SETBP1: variants seen among roughly 807,000 people sequenced by gnomAD.
SETBP1 encodes the protein SET binding protein 1.
A neutral mutation model predicts 101.0 loss-of-function variants in SETBP1; 9 were observed. The observed-to-expected ratio is 0.09, with a 90% CI of 0.05 to 0.16. SETBP1 has a LOEUF of 0.16. Ranked by LOEUF, SETBP1 falls within the 10% of genes least tolerant of loss-of-function variation. The pLI is 1.00. For missense variants in SETBP1, 1,858 were observed against 2,033.8 expected (o/e 0.91, Z 1.66); for synonymous variants, 818 against 788.5 (o/e 1.04, Z -0.63).
At chr18:44,880,840 A>G (rs182370309) in intron 3 of SETBP1, among the ~76,000 whole-genome samples, 86 of 152,274 alleles carry the variant, frequency 5.6e-4, no homozygotes, top group Non-Finnish European at 9.1e-4. Flanking sequence ...AACACCTCCC[A>G]CAAGGCTCCA....
At chr18:44,921,767 C>T (rs147673998) in intron 3 of SETBP1, among the ~76,000 whole-genome samples, 60 of 152,128 alleles carry the variant, frequency 3.9e-4, no homozygotes, top group Admixed American at 2.8e-3. Flanking sequence ...GAATGAGTAT[C>T]GTGGGGGCCC....
chr18:44,800,493 C>G (rs538652198), intron 2 of SETBP1, among the ~76,000 whole-genome samples: 1 of 152,160 alleles, frequency 6.6e-6, no homozygotes, highest in African/African-American at 2.4e-5. Context: ...TAAACAGTTT[C>G]AAAATGGCAA....
At chr18:44,785,442 T>C (rs1482213338) in intron 2 of SETBP1, among the ~76,000 whole-genome samples, 1 of 152,240 alleles carries the variant, frequency 6.6e-6, no homozygotes, top group East Asian at 1.9e-4. Flanking sequence ...GTCACCTAGA[T>C]TACCTCTTAA....
chr18:44,930,472 A>C (rs895457599), intron 3 of SETBP1, among the ~76,000 whole-genome samples: 4 of 151,878 alleles, frequency 2.6e-5, no homozygotes, highest in Admixed American at 6.6e-5. Context: ...GGAAGGATTC[A>C]CTCTTTTTCT....
At chr18:44,733,242 T>G (rs1334831566) in intron 2 of SETBP1, 1 of 152,184 alleles carries the variant, frequency 6.6e-6, no homozygotes. Context: ...CTGTCTGACA[T>G]GGCCAAGCTG....
chr18:45,028,445 G>A (rs373619962), intron 4 of SETBP1, among the ~76,000 whole-genome samples: 21 of 151,946 alleles, frequency 1.4e-4, no homozygotes, highest in Non-Finnish European at 2.1e-4. Flanking sequence ...AGTCTTTGCT[G>A]TTGTGAATAG....
In SETBP1 at chr18:44,950,715, A is replaced by G; in HGVS notation, c.1375A>G (p.Lys459Glu). 6 of 1,614,136 alleles carry G rather than the reference A, an allele frequency of 3.7e-6. No individual in the cohort carries two copies. Among genetic ancestry groups the G allele is most frequent in the Non-Finnish European group, 5.1e-6 (6 of 1,179,984 alleles). Residue 459 changes from lysine (K) to glutamate (E), a missense_variant, in exon 4 of 6, where the codon AAG (lysine) becomes GAG (glutamate). Physicochemically the swap from Lys to Glu is moderately conservative, Grantham distance 56. This residue lies in a region of SETBP1 where 581 missense variants were observed against 535.1 expected (regional missense o/e 1.09). Coordinates refer to ENST00000649279, the MANE Select transcript of SETBP1 (RefSeq NM_015559.3). ...GATACTTTCCAACTCTGAGGGGAATAAGAAGGATCCCCGTGTCCCTAAGTT... is the reference window on the plus strand; with the variant it reads ...GATACTTTCCAACTCTGAGGGGAATGAGAAGGATCCCCGTGTCCCTAAGTT... ...NRILSNSEGNKKDPRVPKLSK... is the reference protein window; with the variant it reads ...NRILSNSEGNEKDPRVPKLSK...
At chr18:44,777,366 T>G (rs2071026482) in intron 2 of SETBP1, among the ~76,000 whole-genome samples, 1 of 152,360 alleles carries the variant, frequency 6.6e-6, no homozygotes, top group Admixed American at 6.5e-5. Flanking sequence ...AACTCAGTCT[T>G]TCTCTGAAAC....
chr18:44,820,610 A>C (rs2072091188), intron 2 of SETBP1, among the ~76,000 whole-genome samples: 1 of 152,186 alleles, frequency 6.6e-6, no homozygotes, highest in South Asian at 2.1e-4. Context: ...AAAATAGTGC[A>C]ACTCTACTAG....
At chr18:45,025,504 A>AT (rs370180014) in intron 4 of SETBP1, among the ~76,000 whole-genome samples, 107 of 150,264 alleles carry the variant, frequency 7.1e-4, no homozygotes, top group Middle Eastern at 3.4e-3. Flanking sequence ...AGTTTCTCTG[A>AT]TTTTTTTTTT....
intron 4 of SETBP1, among the ~76,000 whole-genome samples, chr18:45,035,383 G>A (rs2145482954): frequency 6.6e-6 from 1 of 152,282 alleles, no homozygotes; most frequent in South Asian, 2.1e-4. Flanking sequence ...GTTTTCAAGA[G>A]AGCTAATAGT....
chr18:44,792,488 G>T (rs1470492813), intron 2 of SETBP1, among the ~76,000 whole-genome samples: 1 of 152,186 alleles, frequency 6.6e-6, no homozygotes, highest in Non-Finnish European at 1.5e-5. Flanking sequence ...CCCAACTTTG[G>T]TTCCGGGTCT....
rs760185109 is a variant in SETBP1 at position 44,951,184 on chromosome 18, G to C, written c.1844G>C (p.Arg615Pro). The change falls in exon 4 of 6, where the codon CGA (arginine) becomes CCA (proline). Residue 615 changes from arginine (R) to proline (P), a missense_variant. Physicochemically the swap from Arg to Pro is moderately radical, Grantham distance 103. This residue lies in a region of SETBP1 where 111 missense variants were observed against 119.3 expected (regional missense o/e 0.93). Transcript: ENST00000649279. This position sits in a 1 kb window ranked among gnomAD's most constrained non-coding sequence, Gnocchi z 7.8. ...ACCAGCCCCGTCAGTCCCATCAGCC[G>C]AGAGTTTCCTGGCACTAAGAAAAGA... Reference protein sequence around the residue: ...TSTSPVSPISREFPGTKKRKR... With the variant: ...TSTSPVSPISPEFPGTKKRKR... The C allele has an allele frequency of 6.2e-7, 1 of 1,614,136 alleles. No homozygotes were observed. Among genetic ancestry groups the C allele is most frequent in the South Asian group, 1.1e-5 (1 of 91,076 alleles).
At chr18:45,021,604 A>G (rs1245922903) in intron 4 of SETBP1, among the ~76,000 whole-genome samples, 2 of 152,172 alleles carry the variant, frequency 1.3e-5, no homozygotes, top group African/African-American at 4.8e-5. Flanking sequence ...GTCCTTTAAA[A>G]CTATGTCAAA....
intron 2 of SETBP1, among the ~76,000 whole-genome samples, chr18:44,721,322 G>T (rs2069590121): frequency 6.6e-6 from 1 of 152,166 alleles, no homozygotes; most frequent in Non-Finnish European, 1.5e-5. Flanking sequence ...TTGTTTCCAG[G>T]AGTTATGCCT....
Position 44,950,856 on chromosome 18 carries a change from C to G in SETBP1, c.1516C>G (p.Pro506Ala). ...GCGGAAGCCACCCATGGTCATGACA[C>G]CTCCAACGTGCACAGATCACTCTCC... Reference protein sequence around the residue: ...KPRKPPMVMTPPTCTDHSPSR... With the variant: ...KPRKPPMVMTAPTCTDHSPSR... Residue 506 changes from proline (P) to alanine (A), a missense_variant, in exon 4 of 6, where the codon CCT becomes GCT. Pro to Ala is a conservative substitution (Grantham distance 27). Around this residue, in one of 12 missense-constraint regions of SETBP1, gnomAD observed 581 missense variants for 535.1 expected, o/e 1.09. Transcript: ENST00000649279. The G allele has an allele frequency of 6.2e-7, 1 of 1,614,122 alleles. No homozygotes were observed. The highest frequency in any genetic ancestry group is 1.6e-4 in the Middle Eastern group (1 of 6,062).
intron 4 of SETBP1, among the ~76,000 whole-genome samples, chr18:45,015,085 C>A (rs2145394787): frequency 6.6e-6 from 1 of 152,260 alleles, no homozygotes; most frequent in East Asian, 1.9e-4. Context: ...GTTCTTGGAG[C>A]TAGATCAACT....
intron 2 of SETBP1, among the ~76,000 whole-genome samples, chr18:44,844,905 A>G (rs569088223): frequency 4.3e-4 from 65 of 152,288 alleles, no homozygotes; most frequent in Non-Finnish European, 7.9e-4. Flanking sequence ...GTCTAGGAAA[A>G]GTTTGCTTTC....
At chr18:44,804,112 A>G (rs977202469) in intron 2 of SETBP1, among the ~76,000 whole-genome samples, 2 of 152,134 alleles carry the variant, frequency 1.3e-5, no homozygotes, top group Non-Finnish European at 2.9e-5. Context: ...GATTTTGAAA[A>G]AAGAGAGGCA....
Sources: gnomAD v4.1 joint callset for allele counts (sites outside exome capture counted in the v4.1 genomes callset) on GRCh38, gnomAD v4.1.1 for gene constraint, gnomAD v4.1.1 regional missense constraint, Gnocchi (gnomAD v3.1) non-coding constraint, MANE v1.5 for transcripts, NCBI Gene and HGNC (gene_info 2026-07-23, HGNC 2026-07-21) for gene names.